The following TESK2 variants were observed in gnomAD, a reference collection of about 807,000 sequenced individuals.
The protein encoded by TESK2 is testis associated actin remodelling kinase 2.
TESK2 carries 39 observed loss-of-function variants against 57.1 expected under a neutral mutation model. The observed-to-expected ratio is 0.68, with a 90% CI of 0.53 to 0.89. TESK2 has a LOEUF of 0.89. TESK2 is among the 40% of genes least tolerant of loss of function. The pLI, the probability that TESK2 is intolerant of heterozygous loss-of-function variation, is 0.00. For synonymous variants in TESK2, 249 were observed against 267.9 expected (o/e 0.93, Z 0.69); for missense variants, 646 against 732.1 (o/e 0.88, Z 1.36).
intron 2 of TESK2, among the ~76,000 whole-genome samples, chr1:45,431,919 G>A (rs796956725): frequency 6.6e-6 from 1 of 152,084 alleles, no homozygotes; most frequent in Non-Finnish European, 1.5e-5. Context: ...AGCTTGTGAT[G>A]AGCCTAGCAT....
intron 2 of TESK2, among the ~76,000 whole-genome samples, chr1:45,422,759 T>TTTG (rs140964940): frequency 9.5e-5 from 14 of 147,010 alleles, no homozygotes; most frequent in East Asian, 4.2e-4. Context: ...TGTCTGGTTT[T>TTTG]TTGTTGTTGT....
At chr1:45,487,950 T>G (rs1653550015) in intron 1 of TESK2, among the ~76,000 whole-genome samples, 2 of 151,576 alleles carry the variant, frequency 1.3e-5, no homozygotes, top group African/African-American at 4.8e-5. Flanking sequence ...TTTTTTTTTC[T>G]TTCCCCCAGG....
Position 45,457,741 on chromosome 1 carries a change from A to C in TESK2, c.45T>G (p.Arg15=). The change falls in exon 2 of 11, where the codon CGT becomes CGG. Residue 15 remains arginine, a synonymous_variant. Transcript: ENST00000372086. ...CTTCAAACTCTTCAAGACGCTCCAC[A>C]CGTGGAGGAAATCCTGCAATTGAAT... ...KRNSIAGFPP[R]VERLEEFEGG... 1 of 1,614,110 alleles carries C rather than the reference A, an allele frequency of 6.2e-7. No homozygotes were observed. The highest frequency in any genetic ancestry group is 8.5e-7 in the Non-Finnish European group (1 of 1,179,976).
intron 2 of TESK2, among the ~76,000 whole-genome samples, chr1:45,447,740 A>T (rs750596129): frequency 1.1e-4 from 16 of 152,158 alleles, no homozygotes; most frequent in Non-Finnish European, 1.9e-4. Context: ...CTGTGGTAGG[A>T]TTATTAGCAC....
At chr1:45,478,205 T>C (rs1021347287) in intron 1 of TESK2, among the ~76,000 whole-genome samples, 2 of 152,210 alleles carry the variant, frequency 1.3e-5, no homozygotes, top group Non-Finnish European at 2.9e-5. Context: ...TAATATTCTT[T>C]CTCCCTGGTG....
At chr1:45,475,486 C>T (rs1185624834) in intron 1 of TESK2, among the ~76,000 whole-genome samples, 1 of 152,018 alleles carries the variant, frequency 6.6e-6, no homozygotes, top group Admixed American at 6.6e-5. Context: ...GGATTACAGG[C>T]GTGAGCCCCC....
chr1:45,420,889 A>C (rs977039716), intron 3 of TESK2, among the ~76,000 whole-genome samples: 1 of 152,180 alleles, frequency 6.6e-6, no homozygotes, highest in East Asian at 1.9e-4. Flanking sequence ...CGCCCAGCCA[A>C]ATTTTTTTTA....
At chr1:45,392,127 C>T (rs1036311539) in intron 3 of TESK2, among the ~76,000 whole-genome samples, 6 of 152,162 alleles carry the variant, frequency 3.9e-5, no homozygotes, top group African/African-American at 1.4e-4. Context: ...GCTCTGTCAC[C>T]CAGGCTGAAG....
intron 4 of TESK2, among the ~76,000 whole-genome samples, chr1:45,377,380 C>G (rs557986311): frequency 2.0e-5 from 3 of 150,184 alleles, no homozygotes; most frequent in South Asian, 4.2e-4. Context: ...AAAATCAAAA[C>G]TAACCCCAAA....
chr1:45,390,656 A>G (rs1649097397), intron 3 of TESK2, among the ~76,000 whole-genome samples: 1 of 150,880 alleles, frequency 6.6e-6, no homozygotes, highest in Admixed American at 6.6e-5. Flanking sequence ...GCTCATTGCA[A>G]CCTTGAACTT....
At chr1:45,369,328 G>A (rs1350847288) in intron 4 of TESK2, among the ~76,000 whole-genome samples, 17 of 151,964 alleles carry the variant, frequency 1.1e-4, no homozygotes, top group Admixed American at 8.5e-4. Flanking sequence ...GTGAAACCCC[G>A]TCTCTACTAA....
At chr1:45,434,728 T>C (rs923839041) in intron 2 of TESK2, among the ~76,000 whole-genome samples, 3 of 152,098 alleles carry the variant, frequency 2.0e-5, no homozygotes, top group African/African-American at 7.2e-5. Context: ...TTGAGTTCCT[T>C]GTATATTCCA....
intron 1 of TESK2, among the ~76,000 whole-genome samples, chr1:45,467,626 G>A (rs749160552): frequency 3.8e-5 from 5 of 131,814 alleles, no homozygotes; most frequent in South Asian, 2.4e-4. Flanking sequence ...CACTGTGCTC[G>A]GCCTTCACAG....
rs560533136 is a variant in TESK2, at chr1:45,385,731, T to C, written c.393+181A>G. On this transcript the variant is annotated intron_variant, in intron 4 of 10. Coordinates refer to ENST00000372086, the MANE Select transcript of TESK2 (RefSeq NM_007170.3). ...GTGTGTATATATATATATATATATA[T>C]ATATAAAGAAATACTGCCATTGTTC... Among the ~76,000 whole-genome samples, 86 of 148,698 alleles carry C rather than the reference T, an allele frequency of 5.8e-4. No homozygotes were observed. In the East Asian group the frequency reaches 0.014, roughly 24 times the overall value.
At chr1:45,456,380 G>A (rs959877051) in intron 2 of TESK2, among the ~76,000 whole-genome samples, 93 of 152,010 alleles carry the variant, frequency 6.1e-4, no homozygotes, top group Non-Finnish European at 1.1e-3. Context: ...TTAGCCAGGT[G>A]TGGTGGCAGG....
intron 2 of TESK2, among the ~76,000 whole-genome samples, chr1:45,435,464 A>G (rs1260660169): frequency 6.8e-6 from 1 of 146,212 alleles, no homozygotes; most frequent in East Asian, 2.0e-4. Context: ...GGGTCTCACT[A>G]TATTACCCAG....
intron 1 of TESK2, among the ~76,000 whole-genome samples, chr1:45,481,027 G>C (rs1443419509): frequency 6.6e-6 from 1 of 151,044 alleles, no homozygotes; most frequent in Non-Finnish European, 1.5e-5. Context: ...AAAAGAATGA[G>C]GAAGCTCTCT....
At chr1:45,384,363 G>T (rs78282861) in intron 4 of TESK2, among the ~76,000 whole-genome samples, 1 of 146,822 alleles carries the variant, frequency 6.8e-6, no homozygotes, top group Non-Finnish European at 1.5e-5. Context: ...ATGTACGTAC[G>T]TATCTATCTA....
intron 1 of TESK2, among the ~76,000 whole-genome samples, chr1:45,469,616 C>G (rs1399370965): frequency 6.6e-6 from 1 of 152,178 alleles, no homozygotes; most frequent in Non-Finnish European, 1.5e-5. Flanking sequence ...AAAGCTACTA[C>G]TATTCCCCAA....
Sources: gnomAD v4.1 joint callset for allele counts (sites outside exome capture counted in the v4.1 genomes callset) on GRCh38, gnomAD v4.1.1 for gene constraint, MANE v1.5 for transcripts, NCBI Gene and HGNC (gene_info 2026-07-23, HGNC 2026-07-21) for gene names.